KRT35: variants seen among roughly 807,000 people sequenced by gnomAD.
KRT35 encodes the protein keratin 35.
KRT35 carries 33 observed loss-of-function variants against 42.2 expected under a neutral mutation model. That is an observed-to-expected ratio of 0.78 (90% CI 0.59 to 1.05). The LOEUF is 1.05. KRT35 is among the 50% of genes least tolerant of loss of function. The pLI, the probability that KRT35 is intolerant of heterozygous loss-of-function variation, is 0.00. For synonymous variants in KRT35, 218 were observed against 238.2 expected (o/e 0.92, Z 0.78); for missense variants, 585 against 589.2 (o/e 0.99, Z 0.07).
At chr17:41,478,604 C>T in intron 4 of KRT35, 118 bp from the exon 5 acceptor site, 1 of 1,327,660 alleles carries the variant, frequency 7.5e-7, no homozygotes, top group South Asian at 1.4e-5. Context: ...CAGTCCCACT[C>T]ATTTATTTTA....
At chr17:41,478,708 G>C in intron 4 of KRT35, 126 bp downstream of exon 4, 1 of 1,143,070 alleles carries the variant, frequency 8.7e-7, no homozygotes, top group East Asian at 2.4e-5. Flanking sequence ...GGTCTGTTTT[G>C]ACCTTGTCAG....
chr17:41,481,074 G>A lies in KRT35; in HGVS notation c.24C>T (p.Ala8=), dbSNP rs143248012. Residue 8 remains alanine (A), a synonymous_variant, in exon 1 of 7, where the codon GCC becomes GCT. Coordinates refer to ENST00000246639, the MANE Select transcript of KRT35 (RefSeq NM_002280.6). ...TCTTGAGAGACCCAGAAGAGAAGCCGGCCTTGAGGCATTTGGAAGCCATGG... is the reference window on the plus strand; with the variant it reads ...TCTTGAGAGACCCAGAAGAGAAGCCAGCCTTGAGGCATTTGGAAGCCATGG... MASKCLK[A]GFSSGSLKSP... 1.8e-4 allele frequency: 285 copies of A among 1,609,084 alleles called. 2 individuals carry two copies. In the African/African-American group the frequency reaches 2.6e-3, roughly 15 times the overall value.
At chr17:41,477,335 G>T in intron 6 of KRT35, 132 bp from the exon 7 acceptor site, 1 of 1,334,844 alleles carries the variant, frequency 7.5e-7, no homozygotes, top group East Asian at 2.4e-5. Flanking sequence ...TTTACCAAAA[G>T]GGAAACAGGC....
Position 41,478,324 on chromosome 17 carries a change from T to C in KRT35, c.999+37A>G, listed in dbSNP as rs7220061. ...TGGGGAGCTTGTGTGCTCCTCGGCT[T>C]GGTCCAGAGGCAGCTCCACCCTGCC... On this transcript the variant is annotated intron_variant, in intron 5 of 6. Coordinates refer to ENST00000246639, the MANE Select transcript of KRT35 (RefSeq NM_002280.6). The C allele has an allele frequency of 1.0e-5, 16 of 1,602,296 alleles. No individual in the cohort carries two copies. In the East Asian group the frequency reaches 3.4e-4, roughly 34 times the overall value.
intron 6 of KRT35, 55 bp downstream of exon 6, chr17:41,477,463 C>T: frequency 6.2e-7 from 1 of 1,602,148 alleles, no homozygotes; most frequent in Non-Finnish European, 8.5e-7. Flanking sequence ...ATGCTGTCTT[C>T]CCAGAACTTG....
intron 5 of KRT35, among the ~76,000 whole-genome samples, chr17:41,477,970 G>A (rs764939195): frequency 6.6e-5 from 10 of 152,226 alleles, no homozygotes; most frequent in Admixed American, 1.3e-4. Context: ...ACAGAAGCTC[G>A]GAGAATCAGA....
At chr17:41,479,044 A>C in intron 3 of KRT35, 49 bp from the exon 4 acceptor site, 2 of 1,552,662 alleles carry the variant, frequency 1.3e-6, no homozygotes, top group Non-Finnish European at 1.8e-6. Context: ...GCTGCCTCCA[A>C]GGTTCACCTC....
chr17:41,480,300 C>T (rs958729298), intron 1 of KRT35, among the ~76,000 whole-genome samples: 7 of 152,178 alleles, frequency 4.6e-5, no homozygotes, highest in Admixed American at 3.3e-4. Flanking sequence ...AATCCCCTGA[C>T]TTTAAATAAA....
At position 41,478,955 on chromosome 17, in the gene KRT35, T is replaced by G; in HGVS notation, c.752A>C (p.Asn251Thr). ...SLRCQLGDRL[N>T]VEVDAAPPVD... Reference sequence around the variant, plus strand: ...AGGTGGGGCAGCGTCCACCTCAACATTGAGGCGGTCACCAAGTTGGCAGCG... The same window carrying G: ...AGGTGGGGCAGCGTCCACCTCAACAGTGAGGCGGTCACCAAGTTGGCAGCG... Residue 251 changes from asparagine to threonine, a missense_variant, in exon 4 of 7, where the codon AAT (asparagine) becomes ACT (threonine). By Grantham distance (65) the Asn-to-Thr change is moderately conservative (BLOSUM62 0). Transcript: ENST00000246639. The G allele has an allele frequency of 6.2e-7, 1 of 1,613,900 alleles. No individual in the cohort carries two copies. The highest frequency in any genetic ancestry group is 8.5e-7 in the Non-Finnish European group (1 of 1,179,884).
chr17:41,479,869 G>T, intron 1 of KRT35, 88 bp from the exon 2 acceptor site: 1 of 1,085,616 alleles, frequency 9.2e-7, no homozygotes, highest in South Asian at 1.3e-5. Context: ...GACTCTGGAA[G>T]GAGGAAGTCA....
chr17:41,479,549 A>T (rs143907992), intron 2 of KRT35, 46 bp from the exon 3 acceptor site: 38 of 1,600,262 alleles, frequency 2.4e-5, no homozygotes, highest in Non-Finnish European at 3.2e-5. Context: ...TCCTTTTTGC[A>T]TCTAAGTCAG....
At position 41,480,826 on chromosome 17, in the gene KRT35, C is replaced by A. The variant is rs752589926; in HGVS notation, c.272G>T (p.Gly91Val). The change falls in exon 1 of 7, where the codon GGC becomes GTC. Residue 91 changes from glycine to valine, a missense_variant. Coordinates refer to ENST00000246639, the MANE Select transcript of KRT35 (RefSeq NM_002280.6). ...YSGGGGWFGE[G>V]ILTGNEKETM... is the part of the protein sequence containing the mutation. ...CTCCTTCTCATTGCCAGTGAGGATG[C>A]CCTCCCCAAACCAGCCCCCACCCCC... 5 of 1,614,128 alleles carry A rather than the reference C, an allele frequency of 3.1e-6. No individual in the cohort carries two copies. The highest frequency in any genetic ancestry group is 4.2e-6 in the Non-Finnish European group (5 of 1,179,994).
At chr17:41,479,564 G>A (rs1266761038) in intron 2 of KRT35, 61 bp from the exon 3 acceptor site, 3 of 1,588,924 alleles carry the variant, frequency 1.9e-6, no homozygotes, top group Admixed American at 1.7e-5. Flanking sequence ...AGTCAGGCCT[G>A]CCCTCAGACT....
At chr17:41,480,546 A>G (rs758703992) in intron 1 of KRT35, 81 bp downstream of exon 1, 84 of 1,107,534 alleles carry the variant, frequency 7.6e-5, no homozygotes, top group Non-Finnish European at 1.1e-4. Context: ...GACTTCCAAC[A>G]TGCCCTATGG....
intron 3 of KRT35, 38 bp downstream of exon 3, chr17:41,479,309 A>G: frequency 6.5e-7 from 1 of 1,544,092 alleles, no homozygotes; most frequent in South Asian, 1.2e-5. Flanking sequence ...CCCCATGCTC[A>G]CCTGCTGTGC....
chr17:41,478,350 T>A lies in KRT35; in HGVS notation c.999+11A>T. 1.2e-6 allele frequency: 2 copies of A among 1,612,066 alleles called. No homozygotes were observed. The highest frequency in any genetic ancestry group is 2.2e-5 in the South Asian group (2 of 90,960). On this transcript the variant is annotated intron_variant, in intron 5 of 6. Transcript: ENST00000246639. ...GGTCCAGAGGCAGCTCCACCCTGCC[T>A]TGGGGCTCACCATGCTGTGCTGAGC...
chr17:41,477,069 C>A lies in KRT35; in HGVS notation c.1355G>T (p.Gly452Val). The A allele has an allele frequency of 6.3e-7, 1 of 1,577,556 alleles. No homozygotes were observed. The highest frequency in any genetic ancestry group is 8.6e-7 in the Non-Finnish European group (1 of 1,166,136). The change falls in exon 7 of 7, where the codon GGG (glycine) becomes GTG (valine). Residue 452 changes from glycine (G) to valine (V), a missense_variant. By Grantham distance (109) the Gly-to-Val change is moderately radical. Transcript: ENST00000246639. Reference protein sequence around the residue: ...SPRPICVPCPGGRF With the variant: ...SPRPICVPCPVGRF ...GGTCACCCGCTCTCAGAACCGACCC[C>A]CTGGGCAGGGCACACAAATGGGGCG...
intron 3 of KRT35, 58 bp from the exon 4 acceptor site, chr17:41,479,053 T>C: frequency 6.6e-7 from 1 of 1,522,804 alleles, no homozygotes; most frequent in Non-Finnish European, 9.0e-7. Flanking sequence ...AAGGTTCACC[T>C]CCTCCTCATG....
rs768916280 is a variant in KRT35, at chr17:41,478,525, G to A, written c.874-39C>T. 24 of 1,603,532 alleles carry A rather than the reference G, an allele frequency of 1.5e-5. No homozygotes were observed. The South Asian group carries it at 2.7e-4, about 18-fold the overall frequency. On this transcript the variant is annotated intron_variant, in intron 4 of 6. Transcript: ENST00000246639. ...ACACAGAACCTGGTCAGCCACACCAGGGACTTGGCTTCAGAGAGCTACAGA... is the reference window on the plus strand; with the variant it reads ...ACACAGAACCTGGTCAGCCACACCAAGGACTTGGCTTCAGAGAGCTACAGA...
Sources: gnomAD v4.1 joint callset for allele counts (sites outside exome capture counted in the v4.1 genomes callset) on GRCh38, gnomAD v4.1.1 for gene constraint, MANE v1.5 for transcripts, NCBI Gene and HGNC (gene_info 2026-07-23, HGNC 2026-07-21) for gene names.